Variants in GREB1L observed in about 807,000 individuals in gnomAD.
GREB1L encodes GREB1 like retinoic acid receptor coactivator.
In GREB1L, 17 loss-of-function variants were observed where a neutral mutation model predicts 200.8. The ratio of observed to expected loss-of-function variants is 0.08; its 90% CI spans 0.06 to 0.13. The LOEUF (loss-of-function observed/expected upper bound fraction) is 0.13, where lower values mean the gene tolerates loss of function less well. GREB1L is among the 10% of genes least tolerant of loss of function. The probability of loss-of-function intolerance (pLI) is 1.00; values close to 1 mark genes in which losing one functional copy is unlikely to be tolerated. For missense variants in GREB1L, 1,657 were observed against 2,367.7 expected (o/e 0.70, Z 6.23); for synonymous variants, 789 against 893.0 (o/e 0.88, Z 2.08).
Position 21,334,297 on chromosome 18 carries a change from A to G in GREB1L, c.-119-31730A>G, listed in dbSNP as rs1341621904. Among the ~76,000 whole-genome samples the G allele has an allele frequency of 5.3e-5, 8 of 152,202 alleles. No individual in the cohort carries two copies. In the East Asian group the frequency reaches 1.5e-3, roughly 29 times the overall value. On this transcript the variant is annotated intron_variant, in intron 1 of 32. Transcript: ENST00000424526. ...TATCAGTACCTGGGTAAATAGATTT[A>G]GGTTCAAAATTTAGAAATTTTGAGT...
At chr18:21,462,943 A>G (rs2035107088) in intron 15 of GREB1L, among the ~76,000 whole-genome samples, 1 of 152,216 alleles carries the variant, frequency 6.6e-6, no homozygotes. Context: ...AGCAAAAAGA[A>G]TTAATTCAAG....
At chr18:21,304,569 G>C (rs901046984) in intron 1 of GREB1L, among the ~76,000 whole-genome samples, 1 of 152,034 alleles carries the variant, frequency 6.6e-6, no homozygotes, top group Non-Finnish European at 1.5e-5. Flanking sequence ...TATGCATACA[G>C]CTGTCCAGTC....
At chr18:21,516,877 G>GT (rs11413472) in intron 30 of GREB1L, 123 bp downstream of exon 30, 200,946 of 492,854 alleles carry the variant, frequency 0.41, 21,090 homozygotes, top group Non-Finnish European at 0.44. Flanking sequence ...ACACAAGGGA[G>GT]TTTTTTTTTT....
At chr18:21,410,389 C>T (rs1467453777) in intron 7 of GREB1L, among the ~76,000 whole-genome samples, 1 of 152,048 alleles carries the variant, frequency 6.6e-6, no homozygotes, top group Non-Finnish European at 1.5e-5. Context: ...AGCACGGTGG[C>T]TCATGCCTGT....
rs548476655 is a variant in GREB1L at position 21,435,766 on chromosome 18, A to G, written c.833-3755A>G. On this transcript the variant is annotated intron_variant, in intron 7 of 32. Coordinates refer to ENST00000424526, the MANE Select transcript of GREB1L (RefSeq NM_001142966.3). ...GTGGGTGGTGGTTAAGGGAAAAGTT[A>G]TAGGCAGCCAGCCTAAGAAATGTGG... 9.8e-5 allele frequency among the ~76,000 whole-genome samples: 15 copies of G among 152,346 alleles called. No homozygotes were observed. The East Asian group carries it at 2.9e-3, about 29-fold the overall frequency.
At chr18:21,282,640 C>A (rs1166757838) in intron 1 of GREB1L, among the ~76,000 whole-genome samples, 1 of 151,882 alleles carries the variant, frequency 6.6e-6, no homozygotes, top group Non-Finnish European at 1.5e-5. Flanking sequence ...TGCTCTGTCA[C>A]CCAGGATGCA....
chr18:21,269,689 C>T (rs553624099), intron 1 of GREB1L, among the ~76,000 whole-genome samples: 4 of 152,114 alleles, frequency 2.6e-5, no homozygotes, highest in Non-Finnish European at 4.4e-5. Context: ...ATTGTTTAAG[C>T]ATACTGGAAC....
chr18:21,490,095 T>C lies in GREB1L; in HGVS notation c.2774T>C (p.Met925Thr), dbSNP rs1163578924. ...GAGGCCCTGATGGCTCTCACCACCA[T>C]GGCGTCACTCCGCGACCACAGCACA... ...YSEALMALTT[M>T]ASLRDHSTPE... is the part of the protein sequence containing the mutation. Residue 925 changes from methionine (M) to threonine (T), a missense_variant, in exon 19 of 33, where the codon ATG becomes ACG. Met to Thr is a moderately conservative substitution (Grantham distance 81). Around this residue, in one of 9 missense-constraint regions of GREB1L, gnomAD observed 82 missense variants for 95.9 expected, o/e 0.85. Coordinates refer to ENST00000424526, the MANE Select transcript of GREB1L (RefSeq NM_001142966.3). The C allele has an allele frequency of 9.7e-6, 15 of 1,551,768 alleles. No individual in the cohort carries two copies. In the East Asian group the frequency reaches 9.8e-5, roughly 10 times the overall value.
chr18:21,279,596 G>A (rs1379412411), intron 1 of GREB1L, among the ~76,000 whole-genome samples: 10 of 152,070 alleles, frequency 6.6e-5, no homozygotes, highest in East Asian at 3.8e-4. Context: ...ATTTCACTGC[G>A]AATTTAGCGG....
chr18:21,488,081 G>A (rs1307937593), intron 18 of GREB1L, among the ~76,000 whole-genome samples: 1 of 151,904 alleles, frequency 6.6e-6, no homozygotes, highest in Non-Finnish European at 1.5e-5. Context: ...GAGGTGGGCG[G>A]ATCACCTGAG....
chr18:21,486,883 T>G (rs2036149194), intron 18 of GREB1L, among the ~76,000 whole-genome samples: 1 of 152,194 alleles, frequency 6.6e-6, no homozygotes, highest in Admixed American at 6.5e-5. Context: ...TAATTGATCA[T>G]ATTATTTAAC....
chr18:21,243,629 A>G (rs775740125), intron 1 of GREB1L, among the ~76,000 whole-genome samples: 12 of 152,154 alleles, frequency 7.9e-5, no homozygotes, highest in Non-Finnish European at 1.6e-4. Context: ...TCATCTATAT[A>G]TGTTCTTAGA....
intron 1 of GREB1L, among the ~76,000 whole-genome samples, chr18:21,288,095 G>T (rs193299837): frequency 1.3e-5 from 2 of 151,938 alleles, no homozygotes; most frequent in African/African-American, 4.8e-5. Context: ...GAGCCACAGC[G>T]CCTGGCTTAA....
intron 1 of GREB1L, among the ~76,000 whole-genome samples, chr18:21,281,030 T>G (rs2038260268): frequency 6.6e-6 from 1 of 152,134 alleles, no homozygotes; most frequent in Non-Finnish European, 1.5e-5. Context: ...CCTAATCCCC[T>G]TGTTTGCAGA....
At chr18:21,274,612 G>A (rs890956495) in intron 1 of GREB1L, among the ~76,000 whole-genome samples, 6 of 151,986 alleles carry the variant, frequency 3.9e-5, no homozygotes, top group African/African-American at 1.5e-4. Context: ...TAAAAATACC[G>A]GCTAGGCACA....
chr18:21,488,855 C>A (rs1488440289), intron 18 of GREB1L, among the ~76,000 whole-genome samples: 1 of 152,134 alleles, frequency 6.6e-6, no homozygotes, highest in Non-Finnish European at 1.5e-5. Context: ...TGGGGTTTCA[C>A]CATGTTGGCT....
At chr18:21,278,548 G>A (rs1261494536) in intron 1 of GREB1L, among the ~76,000 whole-genome samples, 1 of 151,974 alleles carries the variant, frequency 6.6e-6, no homozygotes, top group African/African-American at 2.4e-5. Flanking sequence ...TGGTGGTATT[G>A]AGAGCACTCA....
intron 7 of GREB1L, among the ~76,000 whole-genome samples, chr18:21,404,665 C>T (rs2029963804): frequency 6.6e-6 from 1 of 152,180 alleles, no homozygotes; most frequent in Non-Finnish European, 1.5e-5. Flanking sequence ...CCAGGTGGAA[C>T]TTCATGGTTC....
intron 1 of GREB1L, among the ~76,000 whole-genome samples, chr18:21,276,924 CTTTTTTTTTTT>C (rs573871373): frequency 5.6e-5 from 6 of 107,670 alleles, no homozygotes; most frequent in Non-Finnish European, 8.9e-5. Flanking sequence ...CAGCCCAGCC[CTTTTTTTTTTT>C]TTTTTTTTTT....
Sources: allele counts gnomAD v4.1 joint callset (sites outside exome capture counted in the v4.1 genomes callset), GRCh38; gene constraint gnomAD v4.1.1; regional missense constraint gnomAD v4.1.1; transcripts MANE v1.5; gene names NCBI Gene and HGNC (gene_info 2026-07-23, HGNC 2026-07-21).